Variants in MORC4 observed in about 807,000 individuals in gnomAD.
The protein encoded by MORC4 is MORC family CW-type zinc finger 4.
A neutral mutation model predicts 65.5 loss-of-function variants in MORC4; 22 were observed. That is an observed-to-expected ratio of 0.34 (90% confidence interval 0.24 to 0.48). MORC4 has a LOEUF of 0.48. MORC4 is among the 20% of genes least tolerant of loss of function. The pLI, the probability that MORC4 is intolerant of heterozygous loss-of-function variation, is 0.99. For missense variants in MORC4, 624 were observed against 703.0 expected, an observed-to-expected ratio of 0.89 and a Z score of 1.27; for synonymous variants, 267 against 255.8, an observed-to-expected ratio of 1.04 and a Z score of -0.42.
chrX:106,991,063 A>T (rs1208865127), intron 3 of MORC4, among the ~76,000 whole-genome samples: 5 of 111,503 alleles, frequency 4.5e-5, no homozygotes, highest in Non-Finnish European at 9.4e-5. Flanking sequence ...ATTTGGTATG[A>T]TAGGGAAAAT....
intron 9 of MORC4, among the ~76,000 whole-genome samples, chrX:106,964,614 C>A (rs1364128689): frequency 8.9e-6 from 1 of 112,101 alleles, no homozygotes; most frequent in Non-Finnish European, 1.9e-5. Context: ...AAGAGAGAAT[C>A]TTAAAAACAC....
intron 3 of MORC4, among the ~76,000 whole-genome samples, chrX:106,987,582 C>T (rs1183077746): frequency 9.0e-6 from 1 of 111,494 alleles, no homozygotes. Flanking sequence ...TTCTCAACAT[C>T]AATAAAATAG....
chrX:106,947,591 A>ATAAT lies in MORC4; in HGVS notation c.1686-4387_1686-4386insATTA, dbSNP rs1411668743. ...ATATATTATATATATATATATATAT[A>ATAAT]ATATATATATATATAAAACACACTT... is the stretch of plus-strand genomic sequence containing the variant. On this transcript the variant is annotated intron_variant, in intron 14 of 16. Transcript: ENST00000355610. Among the ~76,000 whole-genome samples, 61 of 83,121 alleles carry ATAAT rather than the reference A, an allele frequency of 7.3e-4. 1 individual carries two copies. Among genetic ancestry groups the ATAAT allele is most frequent in the Non-Finnish European group, 7.6e-4 (35 of 46,317 alleles). The allele number at this position is 83,121 out of a possible 115,157, so 72.2% of individuals were successfully genotyped here.
chrX:106,946,079 T>C (rs1933819379), intron 14 of MORC4, among the ~76,000 whole-genome samples: 1 of 112,189 alleles, frequency 8.9e-6, no homozygotes, highest in African/African-American at 3.2e-5. Context: ...TATATACTCC[T>C]TCCAGATGAT....
At chrX:106,984,018 C>T (rs1386881999) in intron 5 of MORC4, among the ~76,000 whole-genome samples, 10 of 111,612 alleles carry the variant, frequency 9.0e-5, no homozygotes, top group Non-Finnish European at 1.9e-4. Flanking sequence ...GCCTATTGGC[C>T]AGGCACGGTG....
chrX:106,996,131 T>C (rs1384859270), intron 2 of MORC4, among the ~76,000 whole-genome samples: 1 of 110,461 alleles, frequency 9.1e-6, no homozygotes. Context: ...CACAAAATCA[T>C]CTCAATTCTT....
At chrX:106,944,556 TCTC>T (rs1200139527) in intron 14 of MORC4, among the ~76,000 whole-genome samples, 2 of 111,376 alleles carry the variant, frequency 1.8e-5, no homozygotes, top group Non-Finnish European at 3.8e-5. Flanking sequence ...CTGTATTTCT[TCTC>T]CTTTGTAATC....
At chrX:106,960,720 T>C (rs933488422) in intron 10 of MORC4, among the ~76,000 whole-genome samples, 2 of 112,114 alleles carry the variant, frequency 1.8e-5, no homozygotes, top group African/African-American at 3.2e-5. Context: ...ATCTGTTTCA[T>C]TGCATTAATC....
chrX:106,987,510 A>G (rs1460377052), intron 3 of MORC4, among the ~76,000 whole-genome samples: 2 of 111,971 alleles, frequency 1.8e-5, no homozygotes, highest in Non-Finnish European at 3.8e-5. Flanking sequence ...AATAAGAGAC[A>G]TGATTCTTGC....
intron 9 of MORC4, among the ~76,000 whole-genome samples, chrX:106,975,861 CT>C (rs988157677): frequency 5.4e-5 from 6 of 111,038 alleles, no homozygotes; most frequent in Non-Finnish European, 3.8e-5. Context: ...CACATACCCC[CT>C]ATTAAAGCAA....
rs1346028694 is a variant in MORC4, at chrX:106,990,242, CTTTTAT to C, written c.308+2982_308+2987del. On this transcript the variant is annotated intron_variant, in intron 3 of 16. Coordinates refer to ENST00000355610, the MANE Select transcript of MORC4 (RefSeq NM_024657.5). ...AAGTTAGGATTGGACTAAAAAATCT[CTTTTAT>C]TTTTATTTATTTATTTATTTATTTT... Among the ~76,000 whole-genome samples, 4 of 109,460 alleles carry C rather than the reference CTTTTAT, an allele frequency of 3.7e-5. No individual in the cohort carries two copies. In the East Asian group the frequency reaches 1.2e-3, roughly 32 times the overall value.
At chrX:106,956,453 A>C in intron 13 of MORC4, 27 bp downstream of exon 13, 2 of 1,154,824 alleles carry the variant, frequency 1.7e-6, no homozygotes, top group Non-Finnish European at 2.4e-6. Context: ...TTGTGTGAGA[A>C]CAATAAGGGT....
At chrX:106,967,100 C>T (rs988516347) in intron 9 of MORC4, among the ~76,000 whole-genome samples, 18 of 111,439 alleles carry the variant, frequency 1.6e-4, no homozygotes, top group African/African-American at 5.9e-4. Flanking sequence ...TGGGACAAAG[C>T]TTCCAGAGGA....
chrX:106,985,914 T>A, intron 4 of MORC4, 69 bp downstream of exon 4: 1 of 888,061 alleles, frequency 1.1e-6, no homozygotes, highest in Non-Finnish European at 1.6e-6. Flanking sequence ...TGACCTGAAG[T>A]TGGAATCTAA....
intron 7 of MORC4, among the ~76,000 whole-genome samples, chrX:106,980,035 T>C (rs1156481647): frequency 9.0e-6 from 1 of 110,586 alleles, no homozygotes; most frequent in Non-Finnish European, 1.9e-5. Flanking sequence ...GCATGCTAGA[T>C]AATGCCTTTG....
At chrX:106,983,626 C>T (rs1403927967) in intron 5 of MORC4, among the ~76,000 whole-genome samples, 1 of 110,755 alleles carries the variant, frequency 9.0e-6, no homozygotes, top group African/African-American at 3.3e-5. Context: ...TAAAGTATTT[C>T]TAGATTTTTA....
intron 9 of MORC4, among the ~76,000 whole-genome samples, chrX:106,966,466 C>T (rs1268344840): frequency 1.8e-5 from 2 of 112,601 alleles, no homozygotes; most frequent in Admixed American, 9.3e-5. Flanking sequence ...GAGGGCAAGC[C>T]AAAGCAGGGC....
chrX:106,949,090 T>C (rs1933913995), intron 14 of MORC4, among the ~76,000 whole-genome samples: 1 of 112,089 alleles, frequency 8.9e-6, no homozygotes, highest in East Asian at 2.8e-4. Context: ...TGTTCATTTT[T>C]CTTTTCCACT....
chrX:106,980,454 A>T (rs1934717794), intron 7 of MORC4, among the ~76,000 whole-genome samples: 1 of 111,614 alleles, frequency 9.0e-6, no homozygotes, highest in Non-Finnish European at 1.9e-5. Flanking sequence ...CATCTACAAG[A>T]TTAAGACGTT....
Sources: allele counts gnomAD v4.1 joint callset (sites outside exome capture counted in the v4.1 genomes callset), GRCh38; gene constraint gnomAD v4.1.1; transcripts MANE v1.5; gene names NCBI Gene and HGNC (gene_info 2026-07-23, HGNC 2026-07-21).